The following KLHL24 variants were observed in gnomAD, a reference collection of about 807,000 sequenced individuals.
KLHL24 encodes the protein kelch-like protein 24.
A neutral mutation model predicts 53.4 loss-of-function variants in KLHL24; 29 were observed. The ratio of observed to expected loss-of-function variants is 0.54; its 90% confidence interval spans 0.40 to 0.74. KLHL24 has a LOEUF of 0.74. KLHL24 is among the 30% of genes least tolerant of loss of function. The pLI is 0.00. For synonymous variants in KLHL24, 222 were observed against 253.7 expected, an observed-to-expected ratio of 0.88 and a Z score of 1.19; for missense variants, 504 against 744.0, an observed-to-expected ratio of 0.68 and a Z score of 3.75.
chr3:183,665,919 T>C (rs1008049856), intron 5 of KLHL24, among the ~76,000 whole-genome samples: 2 of 151,534 alleles, frequency 1.3e-5, no homozygotes, highest in Non-Finnish European at 2.9e-5. Context: ...TCTCTTACTC[T>C]ATTGCCCAAG....
rs1396031477 is a variant in KLHL24 at position 183,680,628 on chromosome 3, A to G, written c.*1342A>G. On this transcript the variant is annotated 3_prime_UTR_variant, in exon 8 of 8. Transcript: ENST00000242810. Reference sequence around the variant, plus strand: ...TCTGTACAACAGACTGCTTTTGTCTAGATTTCTCAACTCCACTTTATAAAG... The same window carrying G: ...TCTGTACAACAGACTGCTTTTGTCTGGATTTCTCAACTCCACTTTATAAAG... 2.0e-5 allele frequency: 3 copies of G among 152,204 alleles called. No individual in the cohort carries two copies. The highest frequency in any genetic ancestry group is 4.8e-5 in the African/African-American group (2 of 41,462). 9.4% of individuals were successfully genotyped at this position (152,204 alleles called of 1,614,324 possible).
chr3:183,651,320 A>G (rs1299656670), intron 3 of KLHL24, 44 bp downstream of exon 3: 9 of 1,419,358 alleles, frequency 6.3e-6, no homozygotes, highest in Admixed American at 3.8e-5. Flanking sequence ...AGTTTTTAAT[A>G]TATCTTTAAA....
Position 183,650,194 on chromosome 3 carries a change from A to G in KLHL24, c.-61-102A>G, listed in dbSNP as rs535734324. 26 of 602,964 alleles carry G rather than the reference A, an allele frequency of 4.3e-5. No individual in the cohort carries two copies. The East Asian group carries it at 7.3e-4, about 17-fold the overall frequency. The allele number at this position is 602,964 out of a possible 1,614,324, so 37.4% of individuals were successfully genotyped here. A position where few individuals can be genotyped will look rare whatever the true frequency, so the allele number is the denominator to read the frequency against. On this transcript the variant is annotated intron_variant, in intron 2 of 7. Transcript: ENST00000242810. The surrounding 1 kb of genome is among the most constrained non-coding windows in gnomAD (Gnocchi z 4.5). ...TAGTGCTGTGTACCCTATATGAAAT[A>G]TATTATGTGATTTTGTTGTAGTGTT...
intron 1 of KLHL24, among the ~76,000 whole-genome samples, chr3:183,640,593 C>CTTTTTTCTTTTTTCT (rs1716236004): frequency 2.1e-5 from 3 of 144,750 alleles, no homozygotes; most frequent in African/African-American, 7.8e-5. Flanking sequence ...TTTCTTTTTT[C>CTTTTTTCTTTTTTCT]TTTTTTCTTT....
Position 183,672,479 on chromosome 3 carries a change from C to A in KLHL24, c.1597C>A (p.Arg533Ser). 1 of 1,600,610 alleles carries A rather than the reference C, an allele frequency of 6.2e-7. No homozygotes were observed. The highest frequency in any genetic ancestry group is 8.5e-7 in the Non-Finnish European group (1 of 1,172,106). Residue 533 changes from arginine (R) to serine (S), a missense_variant, in exon 7 of 8, where the codon CGT becomes AGT. Physicochemically the swap from Arg to Ser is moderately radical, Grantham distance 110. Transcript: ENST00000242810. Reference sequence around the variant, plus strand: ...GATGCACGTACAGAATACATTCAGCCGTCAGGTAATAACATAAAGCAGTAC... The same window carrying A: ...GATGCACGTACAGAATACATTCAGCAGTCAGGTAATAACATAAAGCAGTAC... ...YWMHVQNTFS[R>S]QENCGMSVCN... is the part of the protein sequence containing the mutation.
At chr3:183,642,953 G>A (rs9848425) in intron 1 of KLHL24, 50,970 of 152,116 alleles carry the variant, frequency 0.34, 9,399 homozygotes, top group African/African-American at 0.49. Context: ...GTCAAGTGCC[G>A]GGCACGGTGG....
intron 3 of KLHL24, among the ~76,000 whole-genome samples, chr3:183,659,551 G>GA (rs1200867417): frequency 1.3e-5 from 2 of 152,196 alleles, no homozygotes; most frequent in Non-Finnish European, 2.9e-5. Flanking sequence ...AAGGATACGA[G>GA]AATCAGTGTC....
At position 183,676,673 on chromosome 3, in the gene KLHL24, C is replaced by T. The variant is rs191685242; in HGVS notation, c.1603-2413C>T. Among the ~76,000 whole-genome samples, 18 of 152,262 alleles carry T rather than the reference C, an allele frequency of 1.2e-4. No homozygotes were observed. The East Asian group carries it at 3.5e-3, about 29-fold the overall frequency. ...TCTGACTTTGCATAATTCCTAAAAACACAGCTTATTATTCAAAACATATTT... is the reference window on the plus strand; with the variant it reads ...TCTGACTTTGCATAATTCCTAAAAATACAGCTTATTATTCAAAACATATTT... On this transcript the variant is annotated intron_variant, in intron 7 of 7. Coordinates refer to ENST00000242810, the MANE Select transcript of KLHL24 (RefSeq NM_017644.3).
At chr3:183,666,485 C>G (rs555740834) in intron 5 of KLHL24, among the ~76,000 whole-genome samples, 1 of 152,244 alleles carries the variant, frequency 6.6e-6, no homozygotes, top group South Asian at 2.1e-4. Context: ...TGGTGTTGAA[C>G]TCCTGGGCTC....
In KLHL24 at chr3:183,663,618, C is replaced by CT; in HGVS notation, c.1082dup (p.Arg362LysfsTer3). ...CAAATCAGAGTATGCAGTCTGTGCT[C>CT]TAAGGAATGACATTCTTGTTTCAGG... On this transcript the variant is annotated frameshift_variant, in exon 4 of 8. Transcript: ENST00000242810. LOFTEE classifies it high-confidence loss of function. The surrounding 1 kb of genome is among the most constrained non-coding windows in gnomAD (Gnocchi z 4.9). 6.4e-7 allele frequency: 1 copy of CT among 1,561,902 alleles called. No individual in the cohort carries two copies. Among genetic ancestry groups the CT allele is most frequent in the Non-Finnish European group, 8.7e-7 (1 of 1,153,006 alleles).
intron 3 of KLHL24, among the ~76,000 whole-genome samples, chr3:183,652,273 G>A (rs112587938): frequency 0.048 from 7,304 of 152,026 alleles, 612 homozygotes; most frequent in African/African-American, 0.17. Flanking sequence ...AATACTTATC[G>A]ATTTTAATTC....
Position 183,680,819 on chromosome 3 carries a change from G to C in KLHL24, c.*1533G>C, listed in dbSNP as rs1463562659. On this transcript the variant is annotated 3_prime_UTR_variant, in exon 8 of 8. Transcript: ENST00000242810. ...TGCTGTAGTTTGACTTCCAGTCACT[G>C]TTGTCTTTCACATTATAATTTGTAT... The C allele has an allele frequency of 6.6e-6, 1 of 152,134 alleles. No homozygotes were observed. Among genetic ancestry groups the C allele is most frequent in the Admixed American group, 6.6e-5 (1 of 15,262 alleles). The allele number at this position is 152,134 out of a possible 1,614,324, so 9.4% of individuals were successfully genotyped here.
At chr3:183,641,446 C>G (rs890653270) in intron 1 of KLHL24, among the ~76,000 whole-genome samples, 1 of 146,558 alleles carries the variant, frequency 6.8e-6, no homozygotes, top group African/African-American at 2.6e-5. Flanking sequence ...CCACTGCACT[C>G]CAGCCTGGCA....
At chr3:183,642,552 G>T (rs1716594695) in intron 1 of KLHL24, among the ~76,000 whole-genome samples, 1 of 139,272 alleles carries the variant, frequency 7.2e-6, no homozygotes, top group Non-Finnish European at 1.5e-5. Context: ...TCTGTACACA[G>T]CTCAAGGTTC....
intron 3 of KLHL24, among the ~76,000 whole-genome samples, chr3:183,656,746 A>G (rs1718953196): frequency 6.6e-6 from 1 of 152,066 alleles, no homozygotes. Context: ...GATGTTTCAC[A>G]TTCCTGACTA....
chr3:183,646,911 G>A (rs1460399499), intron 2 of KLHL24, among the ~76,000 whole-genome samples: 1 of 151,348 alleles, frequency 6.6e-6, no homozygotes, highest in East Asian at 2.0e-4. Context: ...CCAGGTTCAC[G>A]CCATTCTCCT....
chr3:183,635,977 T>C (rs1300869208), intron 1 of KLHL24, among the ~76,000 whole-genome samples, 184 bp downstream of exon 1: 2 of 152,056 alleles, frequency 1.3e-5, no homozygotes, highest in Admixed American at 1.3e-4. Flanking sequence ...CTGGGGGGTC[T>C]TCCTCCCCCG....
intron 1 of KLHL24, among the ~76,000 whole-genome samples, chr3:183,638,601 A>C (rs187676898): frequency 2.0e-4 from 30 of 152,342 alleles, no homozygotes; most frequent in Middle Eastern, 3.4e-3. Context: ...ACTGGAGAGT[A>C]TATAGCCACT....
Position 183,651,277 on chromosome 3 carries a change from G to A in KLHL24, c.920+1G>A. 2 of 1,603,250 alleles carry A rather than the reference G, an allele frequency of 1.2e-6. No homozygotes were observed. The highest frequency in any genetic ancestry group is 1.7e-6 in the Non-Finnish European group (2 of 1,173,670). On this transcript the variant is annotated splice_donor_variant, in intron 3 of 7. Transcript: ENST00000242810. LOFTEE classifies it high-confidence loss of function. ...TGTCCCCAAGGACTAGGCCACGCAG[G>A]TGAGAAGACTGTTTTCAAATATAGT...
Sources: allele counts gnomAD v4.1 joint callset (sites outside exome capture counted in the v4.1 genomes callset), GRCh38; gene constraint gnomAD v4.1.1; non-coding constraint Gnocchi (gnomAD v3.1); transcripts MANE v1.5; gene names NCBI Gene and HGNC (gene_info 2026-07-23, HGNC 2026-07-21).